Variants in VWC2 observed in about 807,000 individuals in gnomAD.
VWC2 encodes von Willebrand factor C domain containing 2, also known as brorin.
Under a neutral mutation model 29.8 loss-of-function variants are expected in VWC2, and 14 were observed. The observed-to-expected ratio is 0.47, with a 90% CI of 0.31 to 0.74. The LOEUF is 0.74. VWC2 is among the 30% of genes least tolerant of loss of function. The pLI is 0.05. For synonymous variants in VWC2, 213 were observed against 199.0 expected, an observed-to-expected ratio of 1.07 and a Z score of -0.59; for missense variants, 457 against 459.8, an observed-to-expected ratio of 0.99 and a Z score of 0.05.
chr7:49,789,355 G>C (rs1447176269), intron 2 of VWC2, among the ~76,000 whole-genome samples: 4 of 150,136 alleles, frequency 2.7e-5, no homozygotes, highest in Admixed American at 6.6e-5. Flanking sequence ...ATATGTGGCT[G>C]TGTGTGTGTG....
At chr7:49,793,735 T>C (rs1033582276) in intron 2 of VWC2, among the ~76,000 whole-genome samples, 1 of 152,258 alleles carries the variant, frequency 6.6e-6, no homozygotes, top group African/African-American at 2.4e-5. Context: ...CTTTTTTCTA[T>C]TGCAAACTCT....
chr7:49,917,389 G>A lies in VWC2; in HGVS notation c.*5204G>A, dbSNP rs895484549. ...TCACCCTGAAAAGTATTCAGCCAAAGTTTCAATAGAATTAGGAAACTTAAA... is the reference window on the plus strand; with the variant it reads ...TCACCCTGAAAAGTATTCAGCCAAAATTTCAATAGAATTAGGAAACTTAAA... On this transcript the variant is annotated 3_prime_UTR_variant, in exon 4 of 4. Transcript: ENST00000340652. The A allele has an allele frequency of 2.0e-5, 3 of 152,280 alleles. No individual in the cohort carries two copies. In the East Asian group the frequency reaches 5.8e-4, roughly 29 times the overall value. The allele number at this position is 152,280 out of a possible 1,614,324, so 9.4% of individuals were successfully genotyped here.
At chr7:49,854,163 C>T (rs752100924) in intron 3 of VWC2, among the ~76,000 whole-genome samples, 6 of 151,980 alleles carry the variant, frequency 3.9e-5, no homozygotes, top group East Asian at 1.9e-4. Context: ...TGAATAGTGC[C>T]GCAATAAGCA....
At chr7:49,890,668 C>T (rs540580152) in intron 3 of VWC2, among the ~76,000 whole-genome samples, 69 of 151,864 alleles carry the variant, frequency 4.5e-4, no homozygotes, top group African/African-American at 1.6e-3. Context: ...ATGAGAGTAA[C>T]TCCCACTACT....
intron 3 of VWC2, among the ~76,000 whole-genome samples, chr7:49,870,742 T>G (rs1791114893): frequency 6.6e-6 from 1 of 152,194 alleles, no homozygotes; most frequent in South Asian, 2.1e-4. Context: ...TAATCCACAC[T>G]GCTGAAAATG....
intron 2 of VWC2, among the ~76,000 whole-genome samples, chr7:49,789,328 T>G (rs1267310342): frequency 1.3e-5 from 2 of 150,332 alleles, no homozygotes; most frequent in Non-Finnish European, 3.0e-5. Flanking sequence ...TAGGTGTGTG[T>G]GGGTGCGTGT....
intron 2 of VWC2, among the ~76,000 whole-genome samples, chr7:49,786,915 A>G (rs1788313806): frequency 1.3e-5 from 2 of 152,200 alleles, no homozygotes; most frequent in South Asian, 2.1e-4. Flanking sequence ...ATTTTCTCCC[A>G]TTCTGTAGAC....
chr7:49,811,827 G>C (rs551323905), intron 3 of VWC2, among the ~76,000 whole-genome samples: 34 of 152,300 alleles, frequency 2.2e-4, no homozygotes, highest in African/African-American at 7.7e-4. Flanking sequence ...CCAGCAAAAT[G>C]AGAACATATT....
intron 3 of VWC2, among the ~76,000 whole-genome samples, chr7:49,810,825 T>C (rs924684723): frequency 6.6e-6 from 1 of 152,112 alleles, no homozygotes; most frequent in Non-Finnish European, 1.5e-5. Context: ...ACATGCAAAA[T>C]AAAACTTAGA....
At chr7:49,819,744 G>C (rs1208864428) in intron 3 of VWC2, among the ~76,000 whole-genome samples, 1 of 152,168 alleles carries the variant, frequency 6.6e-6, no homozygotes, top group Admixed American at 6.5e-5. Context: ...TCTCTAAGGG[G>C]GGCCCGTGGG....
intron 3 of VWC2, among the ~76,000 whole-genome samples, chr7:49,837,623 G>A (rs956978748): frequency 6.6e-6 from 1 of 152,134 alleles, no homozygotes; most frequent in Non-Finnish European, 1.5e-5. Flanking sequence ...TTGCATTTTT[G>A]TGAGGGAAAA....
intron 3 of VWC2, among the ~76,000 whole-genome samples, chr7:49,848,379 C>T (rs985124368): frequency 6.6e-6 from 1 of 152,170 alleles, no homozygotes; most frequent in Non-Finnish European, 1.5e-5. Flanking sequence ...AGGAAGCAGG[C>T]GACGCCCTGC....
chr7:49,815,278 AG>A (rs1184781458), intron 3 of VWC2, among the ~76,000 whole-genome samples: 6 of 152,094 alleles, frequency 3.9e-5, no homozygotes, highest in Non-Finnish European at 8.8e-5. Context: ...TGAGGGAGAG[AG>A]GGGGAAGAAG....
intron 3 of VWC2, among the ~76,000 whole-genome samples, chr7:49,854,313 G>C (rs1790325307): frequency 6.6e-6 from 1 of 152,214 alleles, no homozygotes; most frequent in African/African-American, 2.4e-5. Context: ...GGTTGAACTA[G>C]TTTACAGTCC....
At chr7:49,899,940 A>G (rs1792622786) in intron 3 of VWC2, among the ~76,000 whole-genome samples, 1 of 151,882 alleles carries the variant, frequency 6.6e-6, no homozygotes, top group Non-Finnish European at 1.5e-5. Context: ...TACCTTAATA[A>G]ATTTTGAAAA....
chr7:49,864,807 G>A (rs939775199), intron 3 of VWC2, among the ~76,000 whole-genome samples: 4 of 152,240 alleles, frequency 2.6e-5, no homozygotes, highest in Admixed American at 2.6e-4. Flanking sequence ...TGCTGAGCAG[G>A]GGAGGGTGAA....
intron 3 of VWC2, among the ~76,000 whole-genome samples, chr7:49,895,019 G>A (rs1792315222): frequency 6.6e-6 from 1 of 152,188 alleles, no homozygotes; most frequent in African/African-American, 2.4e-5. Flanking sequence ...GATACTATAT[G>A]TCTAAGTCCA....
At chr7:49,910,919 T>C (rs1286352029) in intron 3 of VWC2, among the ~76,000 whole-genome samples, 1 of 152,152 alleles carries the variant, frequency 6.6e-6, no homozygotes, top group Non-Finnish European at 1.5e-5. Flanking sequence ...CTGCAAACAG[T>C]GTTTTCAACA....
Position 49,775,959 on chromosome 7 carries a change from C to G in VWC2, c.524C>G (p.Ala175Gly), listed in dbSNP as rs753526064. ...GAGAAGTTCGCGCCGGGCCCCTCGG[C>G]CTGCCCGTGCCTGTGCACCGAGGAG... ...IGEKFAPGPS[A>G]CPCLCTEEGP... Residue 175 changes from alanine (A) to glycine (G), a missense_variant, in exon 2 of 4, where the codon GCC becomes GGC. Physicochemically the swap from Ala to Gly is moderately conservative, Grantham distance 60. Transcript: ENST00000340652. The G allele has an allele frequency of 1.3e-5, 20 of 1,550,014 alleles. No individual in the cohort carries two copies. Among genetic ancestry groups the G allele is most frequent in the Non-Finnish European group, 7.8e-6 (9 of 1,150,312 alleles).
Sources: gnomAD v4.1 joint callset for allele counts (sites outside exome capture counted in the v4.1 genomes callset) on GRCh38, gnomAD v4.1.1 for gene constraint, MANE v1.5 for transcripts, NCBI Gene and HGNC (gene_info 2026-07-23, HGNC 2026-07-21) for gene names.